The following TANC1 variants were observed in gnomAD, a reference collection of about 807,000 sequenced individuals.
TANC1 encodes the protein protein TANC1.
A neutral mutation model predicts 149.7 loss-of-function variants in TANC1; 77 were observed. The observed-to-expected ratio is 0.51, with a 90% CI of 0.43 to 0.62. TANC1 has a LOEUF of 0.62. Among genes scored for constraint, TANC1 ranks in the 20% least tolerant of loss-of-function variants. The probability of loss-of-function intolerance (pLI) is 0.00; values close to 1 mark genes in which losing one functional copy is unlikely to be tolerated. For synonymous variants in TANC1, 854 were observed against 925.0 expected, an observed-to-expected ratio of 0.92 and a Z score of 1.39; for missense variants, 1,985 against 2,321.8, an observed-to-expected ratio of 0.85 and a Z score of 2.98.
At chr2:159,033,230 A>G (rs979117899) in intron 2 of TANC1, among the ~76,000 whole-genome samples, 3 of 152,112 alleles carry the variant, frequency 2.0e-5, no homozygotes, top group African/African-American at 7.2e-5. Flanking sequence ...GATTTAAGTC[A>G]GGGGCTTGGT....
At chr2:159,181,649 G>A (rs924544218) in intron 14 of TANC1, among the ~76,000 whole-genome samples, 1 of 152,208 alleles carries the variant, frequency 6.6e-6, no homozygotes, top group East Asian at 1.9e-4. Flanking sequence ...AGAACAACCT[G>A]TCATGTCTTG....
intron 2 of TANC1, among the ~76,000 whole-genome samples, chr2:159,015,103 C>T (rs1445827893): frequency 2.6e-5 from 4 of 152,240 alleles, no homozygotes; most frequent in Non-Finnish European, 5.9e-5. Context: ...ACTGCTGTAG[C>T]AGAGGTTCTC....
intron 19 of TANC1, among the ~76,000 whole-genome samples, chr2:159,207,767 TTAAG>T: frequency 6.9e-6 from 1 of 145,038 alleles, no homozygotes; most frequent in South Asian, 2.2e-4. Flanking sequence ...CTGTGGGACC[TTAAG>T]TAAGTGGTTT....
intron 3 of TANC1, among the ~76,000 whole-genome samples, chr2:159,094,742 G>C (rs2045906447): frequency 6.9e-6 from 1 of 144,106 alleles, no homozygotes; most frequent in Non-Finnish European, 1.5e-5. Flanking sequence ...GTGCTAGCTA[G>C]CAAAAGAGGG....
chr2:159,065,914 T>C lies in TANC1; in HGVS notation c.4T>C (p.Leu2=), dbSNP rs1033635515. M[L]KAVLKKSREG... ...TCCTTAGAAACAAGTGTTGAAAATG[T>C]TAAAGGCTGTGCTGAAGAAGAGCCG... is the stretch of plus-strand genomic sequence containing the variant. The change falls in exon 3 of 27, where the codon TTA becomes CTA. Residue 2 remains leucine (L), a synonymous_variant. Coordinates refer to ENST00000263635, the MANE Select transcript of TANC1 (RefSeq NM_033394.3). 11 of 1,613,800 alleles carry C rather than the reference T, an allele frequency of 6.8e-6. No individual in the cohort carries two copies. Among genetic ancestry groups the C allele is most frequent in the Non-Finnish European group, 8.5e-6 (10 of 1,179,708 alleles).
At chr2:159,171,038 C>G (rs1447338364) in intron 10 of TANC1, among the ~76,000 whole-genome samples, 1 of 150,934 alleles carries the variant, frequency 6.6e-6, no homozygotes, top group Non-Finnish European at 1.5e-5. Flanking sequence ...ACTGTAACCC[C>G]CTCTTCCTTT....
At chr2:159,117,701 CTTTT>C (rs59509568) in intron 4 of TANC1, among the ~76,000 whole-genome samples, 10 of 113,280 alleles carry the variant, frequency 8.8e-5, no homozygotes, top group African/African-American at 3.3e-4. Flanking sequence ...CGGCCTATTC[CTTTT>C]TTTTTTTTTT....
intron 2 of TANC1, among the ~76,000 whole-genome samples, chr2:159,064,075 T>G (rs1338761321): frequency 6.6e-6 from 1 of 152,240 alleles, no homozygotes; most frequent in Non-Finnish European, 1.5e-5. Context: ...TTTGCTAAAT[T>G]ATAAACCCCA....
At chr2:159,028,695 T>C (rs940146522) in intron 2 of TANC1, among the ~76,000 whole-genome samples, 26 of 152,186 alleles carry the variant, frequency 1.7e-4, no homozygotes, top group Admixed American at 1.6e-3. Flanking sequence ...ATTCTCCATT[T>C]TCCTCTCTCC....
At chr2:158,994,627 A>G (rs2035972870) in intron 1 of TANC1, among the ~76,000 whole-genome samples, 1 of 152,202 alleles carries the variant, frequency 6.6e-6, no homozygotes, top group Admixed American at 6.6e-5. Context: ...AATGAAAAGA[A>G]TCAAATCTAG....
At chr2:159,172,296 G>A (rs2055342920) in intron 11 of TANC1, 24 bp downstream of exon 11, 1 of 1,610,444 alleles carries the variant, frequency 6.2e-7, no homozygotes, top group South Asian at 1.1e-5. Context: ...TTTTATTGGA[G>A]CCTTCCACAT....
intron 3 of TANC1, among the ~76,000 whole-genome samples, chr2:159,090,495 G>T (rs1227854413): frequency 6.6e-6 from 1 of 152,164 alleles, no homozygotes; most frequent in African/African-American, 2.4e-5. Flanking sequence ...AAACAGCCTC[G>T]CTCGGCAGGG....
Position 159,072,004 on chromosome 2 carries a change from A to G in TANC1, c.61+6033A>G, listed in dbSNP as rs191773374. Among the ~76,000 whole-genome samples the G allele has an allele frequency of 2.0e-5, 3 of 152,292 alleles. No individual in the cohort carries two copies. In the East Asian group the frequency reaches 5.8e-4, roughly 29 times the overall value. On this transcript the variant is annotated intron_variant, in intron 3 of 26. Coordinates refer to ENST00000263635, the MANE Select transcript of TANC1 (RefSeq NM_033394.3). ...GTTTTGTTTTTTGTTTTTTGAGATG[A>G]AGTCTCGGCTCTGTTGCCTGGGCTG...
At chr2:159,157,685 C>T (rs1456540774) in intron 7 of TANC1, among the ~76,000 whole-genome samples, 2 of 152,196 alleles carry the variant, frequency 1.3e-5, no homozygotes, top group Non-Finnish European at 2.9e-5. Flanking sequence ...TTCCTTTCAT[C>T]CACTTTTATG....
At chr2:159,118,109 T>TAC (rs1356641739) in intron 4 of TANC1, among the ~76,000 whole-genome samples, 1 of 152,196 alleles carries the variant, frequency 6.6e-6, no homozygotes, top group Admixed American at 6.5e-5. Flanking sequence ...TCTTTTGATG[T>TAC]ACACAGTAGC....
chr2:159,093,382 A>G (rs568507215), intron 3 of TANC1, among the ~76,000 whole-genome samples: 1 of 152,342 alleles, frequency 6.6e-6, no homozygotes, highest in South Asian at 2.1e-4. Context: ...GGAATGTTAC[A>G]TCTACTGGAG....
chr2:159,029,392 T>C (rs2039604566), intron 2 of TANC1, among the ~76,000 whole-genome samples: 2 of 152,166 alleles, frequency 1.3e-5, no homozygotes, highest in African/African-American at 4.8e-5. Context: ...TATGCCTCAC[T>C]TTTTAAGTAA....
chr2:159,008,138 A>C (rs1326029948), intron 2 of TANC1, among the ~76,000 whole-genome samples: 1 of 152,222 alleles, frequency 6.6e-6, no homozygotes, highest in Non-Finnish European at 1.5e-5. Flanking sequence ...ATTTCAAGAG[A>C]AAGTAGCAAC....
At chr2:159,112,164 A>G (rs949493616) in intron 4 of TANC1, among the ~76,000 whole-genome samples, 4 of 152,174 alleles carry the variant, frequency 2.6e-5, no homozygotes, top group Non-Finnish European at 5.9e-5. Flanking sequence ...ATGTGTATGC[A>G]CTCATATGTA....
Sources: gnomAD v4.1 joint callset for allele counts (sites outside exome capture counted in the v4.1 genomes callset) on GRCh38, gnomAD v4.1.1 for gene constraint, MANE v1.5 for transcripts, NCBI Gene and HGNC (gene_info 2026-07-23, HGNC 2026-07-21) for gene names.